The following SDK1 variants were observed in gnomAD, a reference collection of about 807,000 sequenced individuals.
The protein encoded by SDK1 is sidekick cell adhesion molecule 1, also known as protein sidekick-1.
A neutral mutation model predicts 245.5 loss-of-function variants in SDK1; 157 were observed. The ratio of observed to expected loss-of-function variants is 0.64; its 90% confidence interval spans 0.56 to 0.73. The LOEUF (loss-of-function observed/expected upper bound fraction) is 0.73. Ranked by LOEUF, SDK1 falls within the 30% of genes least tolerant of loss-of-function variation. The probability of loss-of-function intolerance (pLI) is 0.00; values close to 1 mark genes in which losing one functional copy is unlikely to be tolerated. For missense variants in SDK1, 3,583 were observed against 3,002.3 expected, an observed-to-expected ratio of 1.19 and a Z score of -4.52; for synonymous variants, 1,647 against 1,278.5, an observed-to-expected ratio of 1.29 and a Z score of -6.15.
intron 1 of SDK1, among the ~76,000 whole-genome samples, chr7:3,575,558 T>C (rs1489091571): frequency 2.6e-5 from 4 of 152,014 alleles, no homozygotes; most frequent in African/African-American, 9.7e-5. Context: ...TGGCTGTAGA[T>C]AGTGCTTTTT....
intron 5 of SDK1, among the ~76,000 whole-genome samples, chr7:3,933,120 G>A (rs1007290227): frequency 5.7e-5 from 8 of 140,848 alleles, no homozygotes; most frequent in African/African-American, 2.3e-4. Flanking sequence ...AATGCTCCTG[G>A]ATCTTTTTTT....
intron 9 of SDK1, among the ~76,000 whole-genome samples, chr7:3,966,391 G>A (rs1415309594): frequency 2.0e-5 from 3 of 152,142 alleles, no homozygotes; most frequent in African/African-American, 7.2e-5. Flanking sequence ...GATCACTGTT[G>A]TACGGGGGGT....
chr7:4,081,645 C>G (rs2128179499), intron 22 of SDK1, among the ~76,000 whole-genome samples: 1 of 152,136 alleles, frequency 6.6e-6, no homozygotes, highest in Admixed American at 6.5e-5. Flanking sequence ...GTCTGGATCT[C>G]CTGACCTCGT....
At chr7:3,987,816 T>C (rs1783987194) in intron 14 of SDK1, among the ~76,000 whole-genome samples, 1 of 152,078 alleles carries the variant, frequency 6.6e-6, no homozygotes, top group South Asian at 2.1e-4. Flanking sequence ...ACATGCTCCT[T>C]CCGTGGGCCA....
chr7:3,971,410 G>T, intron 11 of SDK1, 56 bp from the exon 12 acceptor site: 1 of 1,242,372 alleles, frequency 8.0e-7, no homozygotes. Flanking sequence ...CCCCCCTGAG[G>T]GCAGAAACTG....
rs1786270607 is a variant in SDK1, at chr7:4,237,795, AG to A, written c.6130+12del. ...AGAACTGCAGCACAGGTGCAGGTCC[AG>A]CCCCTTCCTCGCGTGTCCCACGATG... On this transcript the variant is annotated intron_variant, in intron 42 of 44. Transcript: ENST00000404826. 2 of 1,614,026 alleles carry A rather than the reference AG, an allele frequency of 1.2e-6. No homozygotes were observed. Among genetic ancestry groups the A allele is most frequent in the African/African-American group, 2.7e-5 (2 of 75,046 alleles).
intron 35 of SDK1, among the ~76,000 whole-genome samples, chr7:4,184,133 C>CT (rs1404781108): frequency 2.6e-5 from 4 of 152,254 alleles, no homozygotes; most frequent in African/African-American, 9.6e-5. Context: ...AACGTATTGA[C>CT]TTAGAGCAAG....
intron 1 of SDK1, among the ~76,000 whole-genome samples, chr7:3,510,628 G>A (rs1214398322): frequency 1.3e-5 from 2 of 152,130 alleles, no homozygotes; most frequent in Non-Finnish European, 2.9e-5. Flanking sequence ...TTAGTGGCAA[G>A]ACAAGTAATG....
At chr7:3,381,411 G>T (rs1781483687) in intron 1 of SDK1, among the ~76,000 whole-genome samples, 1 of 152,108 alleles carries the variant, frequency 6.6e-6, no homozygotes, top group African/African-American at 2.4e-5. Flanking sequence ...ACTGTGGGCT[G>T]CATGGTGAAG....
rs941861767 is a variant in SDK1 at position 4,026,704 on chromosome 7, C to T, written c.2602+9352C>T. On this transcript the variant is annotated intron_variant, in intron 17 of 44. Transcript: ENST00000404826. This position sits in a 1 kb window ranked among gnomAD's most constrained non-coding sequence, Gnocchi z 4.1. Reference sequence around the variant, plus strand: ...TCAAAGGTTTGTTAACCTAATAATGCCGTAGAAATGTTTAATGCAGTGAGA... The same window carrying T: ...TCAAAGGTTTGTTAACCTAATAATGTCGTAGAAATGTTTAATGCAGTGAGA... Among the ~76,000 whole-genome samples the T allele has an allele frequency of 3.3e-5, 5 of 152,138 alleles. No individual in the cohort carries two copies. The highest frequency in any genetic ancestry group is 1.3e-4 in the Admixed American group (2 of 15,270).
chr7:3,930,919 A>T (rs754427902), intron 5 of SDK1, among the ~76,000 whole-genome samples: 3 of 152,268 alleles, frequency 2.0e-5, no homozygotes, highest in Non-Finnish European at 2.9e-5. Context: ...CAGTTAGAAC[A>T]TCTTATCTAT....
chr7:4,220,849 G>A (rs1176298562), intron 39 of SDK1, among the ~76,000 whole-genome samples: 1 of 151,918 alleles, frequency 6.6e-6, no homozygotes, highest in Non-Finnish European at 1.5e-5. Flanking sequence ...ATAGCTCACT[G>A]CAGCCTCAAC....
At chr7:3,314,880 C>A (rs1478039304) in intron 1 of SDK1, among the ~76,000 whole-genome samples, 3 of 150,888 alleles carry the variant, frequency 2.0e-5, no homozygotes, top group Non-Finnish European at 4.4e-5. Context: ...CATCATACAT[C>A]CTATTGGCAA....
intron 1 of SDK1, among the ~76,000 whole-genome samples, chr7:3,468,698 A>G (rs1781088969): frequency 6.6e-6 from 1 of 152,142 alleles, no homozygotes; most frequent in Non-Finnish European, 1.5e-5. Flanking sequence ...TTCCGAACTC[A>G]GTCTGTTAGC....
At chr7:3,487,558 G>A (rs1290279191) in intron 1 of SDK1, among the ~76,000 whole-genome samples, 2 of 151,822 alleles carry the variant, frequency 1.3e-5, no homozygotes, top group Non-Finnish European at 2.9e-5. Flanking sequence ...CTTGGGCAAC[G>A]TGGTGAAGCC....
chr7:3,621,609 A>G (rs530761329), intron 2 of SDK1, among the ~76,000 whole-genome samples: 32 of 152,272 alleles, frequency 2.1e-4, no homozygotes, highest in African/African-American at 7.7e-4. Flanking sequence ...CTGAAACTGA[A>G]TTCCCCAAGA....
intron 14 of SDK1, among the ~76,000 whole-genome samples, chr7:3,995,873 T>C (rs1490347610): frequency 2.0e-5 from 3 of 152,174 alleles, no homozygotes; most frequent in African/African-American, 7.2e-5. Flanking sequence ...GCTTTTACCA[T>C]TAATGTTTGT....
chr7:3,965,061 T>A (rs1781988177), intron 9 of SDK1, among the ~76,000 whole-genome samples: 1 of 152,240 alleles, frequency 6.6e-6, no homozygotes. Context: ...AAGCTTTTTC[T>A]GCGAAGGGCC....
chr7:3,729,912 C>T (rs1051525649), intron 4 of SDK1, among the ~76,000 whole-genome samples: 7 of 151,706 alleles, frequency 4.6e-5, no homozygotes, highest in African/African-American at 7.3e-5. Context: ...CATGCTATCT[C>T]GCATGCAGTG....
Sources: allele counts gnomAD v4.1 joint callset (sites outside exome capture counted in the v4.1 genomes callset), GRCh38; gene constraint gnomAD v4.1.1; non-coding constraint Gnocchi (gnomAD v3.1); transcripts MANE v1.5; gene names NCBI Gene and HGNC (gene_info 2026-07-23, HGNC 2026-07-21).